Variants in SKIC3 observed in about 807,000 individuals in gnomAD.
The protein encoded by SKIC3 is superkiller complex protein 3.
chr5:95,506,832 G>A, the SKIC3 span: 1 of 1,154,360 alleles, frequency 8.7e-7, no homozygotes, highest in East Asian at 2.4e-5. Flanking sequence ...TATCCTACAT[G>A]TACCAGTATT....
the SKIC3 span, among the ~76,000 whole-genome samples, chr5:95,475,046 C>T: frequency 6.6e-6 from 1 of 152,158 alleles, no homozygotes; most frequent in Non-Finnish European, 1.5e-5. Flanking sequence ...ACAACTTTCC[C>T]CCAAATCTTG....
At chr5:95,476,457 T>G in the SKIC3 span, among the ~76,000 whole-genome samples, 1 of 152,242 alleles carries the variant, frequency 6.6e-6, no homozygotes, top group African/African-American at 2.4e-5. Flanking sequence ...AAATGTCTTA[T>G]TTTAATATAT....
the SKIC3 span, chr5:95,502,948 C>G: frequency 1.4e-4 from 220 of 1,613,898 alleles, no homozygotes; most frequent in Non-Finnish European, 1.8e-4. Context: ...CCAGAGCTGT[C>G]AAGATATGGG....
At chr5:95,542,873 C>T in the SKIC3 span, among the ~76,000 whole-genome samples, 1 of 152,018 alleles carries the variant, frequency 6.6e-6, no homozygotes, top group Non-Finnish European at 1.5e-5. Flanking sequence ...TCTTTTTCCT[C>T]AGGTAAGCAT....
the SKIC3 span, chr5:95,517,038 G>A: frequency 1.9e-6 from 3 of 1,613,512 alleles, no homozygotes; most frequent in Admixed American, 3.3e-5. Context: ...GTAGACATCA[G>A]TTTTAATGCA....
chr5:95,486,899 C>CA, the SKIC3 span, among the ~76,000 whole-genome samples: 1 of 152,154 alleles, frequency 6.6e-6, no homozygotes, highest in Non-Finnish European at 1.5e-5. Flanking sequence ...CTCAAGAACA[C>CA]ACCCACCTAC....
At chr5:95,468,686 C>T in the SKIC3 span, among the ~76,000 whole-genome samples, 1 of 152,134 alleles carries the variant, frequency 6.6e-6, no homozygotes, top group African/African-American at 2.4e-5. Flanking sequence ...AACTAAATAA[C>T]TTGTCTTGAA....
chr5:95,475,791 A>G, the SKIC3 span, among the ~76,000 whole-genome samples: 1 of 152,180 alleles, frequency 6.6e-6, no homozygotes, highest in Non-Finnish European at 1.5e-5. Context: ...TAGCAAGATA[A>G]TTTTTGGTGT....
At chr5:95,468,128 C>A in the SKIC3 span, 1 of 1,113,052 alleles carries the variant, frequency 9.0e-7, no homozygotes, top group South Asian at 1.4e-5. Context: ...ATTCAGATAA[C>A]AATAAAGGTA....
the SKIC3 span, chr5:95,528,895 A>G: frequency 2.2e-6 from 2 of 910,940 alleles, no homozygotes; most frequent in Non-Finnish European, 3.5e-6. Flanking sequence ...TTTAAAATAC[A>G]AAATATAGCA....
chr5:95,538,273 T>C, the SKIC3 span, among the ~76,000 whole-genome samples: 4 of 152,176 alleles, frequency 2.6e-5, no homozygotes, highest in Admixed American at 2.0e-4. Context: ...ATTATACAAT[T>C]TAAGAGAAAC....
At chr5:95,514,025 T>TCCC in the SKIC3 span, among the ~76,000 whole-genome samples, 1 of 152,180 alleles carries the variant, frequency 6.6e-6, no homozygotes, top group Non-Finnish European at 1.5e-5. Flanking sequence ...GCTAGCACAG[T>TCCC]AACGCCACTG....
chr5:95,482,275 A>G, the SKIC3 span, among the ~76,000 whole-genome samples: 1 of 152,206 alleles, frequency 6.6e-6, no homozygotes, highest in Non-Finnish European at 1.5e-5. Flanking sequence ...AAAGCTTTAA[A>G]TCATCATTGT....
chr5:95,494,580 G>A, the SKIC3 span: 1 of 1,213,198 alleles, frequency 8.2e-7, no homozygotes, highest in Non-Finnish European at 1.2e-6. Context: ...TATAAACAAT[G>A]CCAATAAAAT....
chr5:95,503,469 G>A, the SKIC3 span, among the ~76,000 whole-genome samples: 1 of 152,166 alleles, frequency 6.6e-6, no homozygotes, highest in African/African-American at 2.4e-5. Flanking sequence ...CAATGGTTGA[G>A]GTCTTCATTT....
chr5:95,478,321 C>T, the SKIC3 span: 1 of 1,613,936 alleles, frequency 6.2e-7, no homozygotes, highest in Non-Finnish European at 8.5e-7. Context: ...TAGTGCTAGT[C>T]TCAACAGACT....
At chr5:95,479,335 T>C in the SKIC3 span, among the ~76,000 whole-genome samples, 5 of 152,300 alleles carry the variant, frequency 3.3e-5, no homozygotes, top group African/African-American at 1.2e-4. Context: ...AATAGAGGAA[T>C]ATACCACATT....
At chr5:95,524,963 A>G in the SKIC3 span, among the ~76,000 whole-genome samples, 17 of 152,074 alleles carry the variant, frequency 1.1e-4, 1 homozygote, top group African/African-American at 3.4e-4. Context: ...GGCTCACTGC[A>G]ACCTCCACCC....
the SKIC3 span, among the ~76,000 whole-genome samples, chr5:95,535,474 C>T: frequency 6.6e-6 from 1 of 151,938 alleles, no homozygotes; most frequent in Non-Finnish European, 1.5e-5. Context: ...CCGCGCCCGG[C>T]TAATTTTTTG....
Sources: gnomAD v4.1 joint callset for allele counts (sites outside exome capture counted in the v4.1 genomes callset) on GRCh38, gnomAD v4.1.1 for gene constraint, MANE v1.5 for transcripts, NCBI Gene and HGNC (gene_info 2026-07-23, HGNC 2026-07-21) for gene names.